Variants in FMNL2 observed in about 807,000 individuals in gnomAD.
FMNL2 encodes formin-like protein 2.
A neutral mutation model predicts 130.2 loss-of-function variants in FMNL2; 51 were observed. The observed-to-expected ratio is 0.39, with a 90% CI of 0.31 to 0.49. The LOEUF (loss-of-function observed/expected upper bound fraction) is 0.49. FMNL2 is among the 20% of genes least tolerant of loss of function. The pLI, the probability that FMNL2 is intolerant of heterozygous loss-of-function variation, is 0.85. For synonymous variants in FMNL2, 465 were observed against 467.1 expected, an observed-to-expected ratio of 1.00 and a Z score of 0.06; for missense variants, 977 against 1,316.2, an observed-to-expected ratio of 0.74 and a Z score of 3.99.
intron 1 of FMNL2, among the ~76,000 whole-genome samples, chr2:152,506,295 A>G (rs756985928): frequency 5.9e-5 from 9 of 152,290 alleles, no homozygotes; most frequent in Non-Finnish European, 1.0e-4. Flanking sequence ...CTTGGTATCT[A>G]TGGAGGACTG....
At chr2:152,614,793 T>C in intron 11 of FMNL2, 58 bp from the exon 12 acceptor site, 1 of 1,473,122 alleles carries the variant, frequency 6.8e-7, no homozygotes, top group African/African-American at 1.5e-5. Context: ...TCTTAGGAAA[T>C]GATGTTCTAT....
At chr2:152,436,822 G>C (rs1179124238) in intron 1 of FMNL2, among the ~76,000 whole-genome samples, 1 of 152,128 alleles carries the variant, frequency 6.6e-6, no homozygotes, top group East Asian at 1.9e-4. Context: ...AGTATGAAGG[G>C]GGAAGTGGGA....
chr2:152,613,787 T>A (rs975504711), intron 11 of FMNL2, among the ~76,000 whole-genome samples: 1 of 152,238 alleles, frequency 6.6e-6, no homozygotes, highest in Non-Finnish European at 1.5e-5. Context: ...ATTGGCATCA[T>A]CCATGCACCA....
intron 1 of FMNL2, among the ~76,000 whole-genome samples, chr2:152,473,905 C>T (rs1164437462): frequency 6.6e-6 from 1 of 152,120 alleles, no homozygotes; most frequent in African/African-American, 2.4e-5. Flanking sequence ...CTTAGAGTCT[C>T]GCTCTGTCGC....
chr2:152,524,848 T>C (rs1172830704), intron 2 of FMNL2, among the ~76,000 whole-genome samples: 2 of 152,138 alleles, frequency 1.3e-5, no homozygotes, highest in African/African-American at 4.8e-5. Context: ...AGATCCTGGA[T>C]GAATTTAGAC....
chr2:152,343,259 T>G (rs1040240213), intron 1 of FMNL2, among the ~76,000 whole-genome samples: 3 of 152,110 alleles, frequency 2.0e-5, no homozygotes, highest in Admixed American at 6.6e-5. Flanking sequence ...AAGATGCCCA[T>G]GGCTTGGTTT....
intron 8 of FMNL2, among the ~76,000 whole-genome samples, chr2:152,579,499 C>T (rs1696659613): frequency 6.6e-6 from 1 of 152,162 alleles, no homozygotes; most frequent in Admixed American, 6.5e-5. Context: ...GGAGTTGCGA[C>T]CAGCCTGGCT....
At chr2:152,443,679 C>T (rs973011559) in intron 1 of FMNL2, among the ~76,000 whole-genome samples, 19 of 151,694 alleles carry the variant, frequency 1.3e-4, no homozygotes, top group Admixed American at 1.1e-3. Flanking sequence ...CCCGTCTCTA[C>T]GAAAAATACA....
chr2:152,603,319 G>A (rs969478018), intron 9 of FMNL2, among the ~76,000 whole-genome samples: 1 of 151,044 alleles, frequency 6.6e-6, no homozygotes, highest in Admixed American at 6.6e-5. Flanking sequence ...GCCGGCATTT[G>A]TATTCATAAT....
At chr2:152,439,832 A>G (rs564539020) in intron 1 of FMNL2, among the ~76,000 whole-genome samples, 1 of 148,966 alleles carries the variant, frequency 6.7e-6, no homozygotes, top group South Asian at 2.2e-4. Context: ...CTTGGGCATC[A>G]GCATTTACCC....
chr2:152,646,040 GC>G (rs1408668675), intron 25 of FMNL2, among the ~76,000 whole-genome samples: 2 of 151,906 alleles, frequency 1.3e-5, no homozygotes, highest in African/African-American at 2.4e-5. Context: ...AAGAGTAGAG[GC>G]TGGGCATAGT....
chr2:152,481,698 G>C (rs1400297849), intron 1 of FMNL2, among the ~76,000 whole-genome samples: 3 of 152,130 alleles, frequency 2.0e-5, no homozygotes, highest in African/African-American at 7.2e-5. Context: ...TTTGTTTTAC[G>C]TGTAGGATTG....
chr2:152,566,507 A>T (rs1044560274), intron 6 of FMNL2, among the ~76,000 whole-genome samples: 2 of 152,138 alleles, frequency 1.3e-5, no homozygotes, highest in Non-Finnish European at 2.9e-5. Context: ...ATCTGAATTG[A>T]AGTGGCTTAT....
At chr2:152,357,048 CACG>C (rs1560293460) in intron 1 of FMNL2, among the ~76,000 whole-genome samples, 12 of 122,230 alleles carry the variant, frequency 9.8e-5, no homozygotes, top group African/African-American at 3.5e-4. Context: ...TTTAATATAT[CACG>C]ATAAATATTA....
intron 6 of FMNL2, 136 bp downstream of exon 6, chr2:152,561,171 T>A (rs2105600415): frequency 7.5e-6 from 7 of 929,334 alleles, no homozygotes; most frequent in Non-Finnish European, 9.4e-6. Context: ...TCTAAATGAA[T>A]GTTTCTTTAG....
At chr2:152,634,896 C>T (rs1682455899) in intron 21 of FMNL2, among the ~76,000 whole-genome samples, 1 of 151,878 alleles carries the variant, frequency 6.6e-6, no homozygotes, top group Non-Finnish European at 1.5e-5. Flanking sequence ...ATCAGACCAG[C>T]AGCAGACCAC....
chr2:152,593,838 G>GGAGATA (rs1553483421), intron 9 of FMNL2, among the ~76,000 whole-genome samples: 1 of 85,008 alleles, frequency 1.2e-5, no homozygotes, highest in East Asian at 4.9e-4. Flanking sequence ...AGGTGACTAG[G>GGAGATA]GAGAGAGAGA....
At chr2:152,427,217 A>T (rs1210626558) in intron 1 of FMNL2, among the ~76,000 whole-genome samples, 1 of 152,194 alleles carries the variant, frequency 6.6e-6, no homozygotes, top group Non-Finnish European at 1.5e-5. Context: ...GGGAAACCAG[A>T]TGGGAAGTTT....
intron 1 of FMNL2, among the ~76,000 whole-genome samples, chr2:152,404,179 T>C (rs6434017): frequency 0.95 from 144,773 of 152,302 alleles, 68,941 homozygotes; most frequent in East Asian, 1. Context: ...TCTGGGTCTT[T>C]CTGCAGCCCC....
Sources: allele counts gnomAD v4.1 joint callset (sites outside exome capture counted in the v4.1 genomes callset), GRCh38; gene constraint gnomAD v4.1.1; transcripts MANE v1.5; gene names NCBI Gene and HGNC (gene_info 2026-07-23, HGNC 2026-07-21).